The following APOL2 variants were observed in gnomAD, a reference collection of about 807,000 sequenced individuals.
The protein encoded by APOL2 is apolipoprotein L2, also known as apolipoprotein L, 2.
In APOL2, 8 loss-of-function variants were observed where a neutral mutation model predicts 7.1. That is an observed-to-expected ratio of 1.12 (90% CI 0.66 to 2.03). APOL2 has a LOEUF of 2.03. Ranked by LOEUF, APOL2 falls within the 30% of genes most tolerant of loss-of-function variation. The pLI, the probability that APOL2 is intolerant of heterozygous loss-of-function variation, is 0.00. For synonymous variants in APOL2, 177 were observed against 159.9 expected (o/e 1.11, Z -0.81); for missense variants, 471 against 415.1 (o/e 1.13, Z -1.17).
At chr22:36,231,099 T>A (rs9619598) in intron 4 of APOL2, among the ~76,000 whole-genome samples, 20,749 of 152,284 alleles carry the variant, frequency 0.14, 2,273 homozygotes, top group African/African-American at 0.31. Flanking sequence ...AAAGTTCCCA[T>A]CACCAGCAGA....
chr22:36,228,325 T>A, intron 4 of APOL2, 45 bp from the exon 5 acceptor site: 1 of 1,564,594 alleles, frequency 6.4e-7, no homozygotes, highest in Non-Finnish European at 8.6e-7. Flanking sequence ...AGTTTCCCTA[T>A]CTGTGAAATG....
At position 36,228,107 on chromosome 22, in the gene APOL2, T is replaced by C. The variant is rs374077621; in HGVS notation, c.311A>G (p.Glu104Gly). 47 of 1,614,090 alleles carry C rather than the reference T, an allele frequency of 2.9e-5. No homozygotes were observed. Among genetic ancestry groups the C allele is most frequent in the Admixed American group, 5.0e-5 (3 of 60,012 alleles). The change falls in exon 5 of 5, where the codon GAG becomes GGG. Residue 104 changes from glutamate to glycine, a missense_variant. Transcript: ENST00000358502. The part of the protein sequence containing the change: ...DHIRKLRALA[E>G]EVEQVHRGTT... Reference sequence around the variant, plus strand: ...GCCTCTGTGGACCTGCTCAACCTCCTCTGCAAGGGCACGGAGCTTCCTTAT... The same window carrying C: ...GCCTCTGTGGACCTGCTCAACCTCCCCTGCAAGGGCACGGAGCTTCCTTAT...
chr22:36,239,001 TCAG>T, intron 1 of APOL2: 1 of 533,608 alleles, frequency 1.9e-6, no homozygotes, highest in Non-Finnish European at 2.8e-6. Context: ...CCATTGGGCT[TCAG>T]CAGCAGCACC....
At chr22:36,229,033 C>T (rs112966795) in intron 4 of APOL2, among the ~76,000 whole-genome samples, 281 of 152,302 alleles carry the variant, frequency 1.8e-3, no homozygotes, top group African/African-American at 6.2e-3. Flanking sequence ...CTCCACTAGG[C>T]GCCGACCTTG....
intron 1 of APOL2, chr22:36,236,979 C>T (rs136142): frequency 0.38 from 526,569 of 1,371,922 alleles, 105,094 homozygotes; most frequent in Middle Eastern, 0.41. Context: ...GCTGTCTCAA[C>T]GCCATCTCAT....
At chr22:36,231,171 C>T (rs941958248) in intron 4 of APOL2, among the ~76,000 whole-genome samples, 169 bp downstream of exon 4, 9 of 152,238 alleles carry the variant, frequency 5.9e-5, no homozygotes, top group Non-Finnish European at 1.2e-4. Flanking sequence ...TACTCACTGC[C>T]AGCGAAGGAC....
rs948212226 is a variant in APOL2 at position 36,231,271 on chromosome 22, C to A, written c.137+69G>T. 18 of 1,569,596 alleles carry A rather than the reference C, an allele frequency of 1.1e-5. No individual in the cohort carries two copies. The Admixed American group carries it at 1.5e-4, about 14-fold the overall frequency. On this transcript the variant is annotated intron_variant, in intron 4 of 4. Transcript: ENST00000358502. ...CTGGAGGAGGTGTGCCTGTCAGGGA[C>A]AACCAGCCCAGGGGAGATCTGAGTG...
rs1197525106 is a variant in APOL2 at position 36,227,258 on chromosome 22, G to C, written c.*146C>G. 1 of 1,008,752 alleles carries C rather than the reference G, an allele frequency of 9.9e-7. No individual in the cohort carries two copies. The highest frequency in any genetic ancestry group is 1.4e-6 in the Non-Finnish European group (1 of 730,164). 62.5% of individuals were successfully genotyped at this position (1,008,752 alleles called of 1,614,324 possible). On this transcript the variant is annotated 3_prime_UTR_variant, in exon 5 of 5. Transcript: ENST00000358502. ...GTGAACCCGGGAGGCGGAGTTTGCA[G>C]TGAGCCGAGATTGAGCCACTGCACT...
intron 1 of APOL2, chr22:36,236,920 T>C: frequency 7.6e-7 from 1 of 1,308,330 alleles, no homozygotes. Context: ...GGGTCTTCCC[T>C]TCCCCTTCTT....
At chr22:36,232,753 T>C (rs1238480105) in intron 3 of APOL2, among the ~76,000 whole-genome samples, 1 of 152,196 alleles carries the variant, frequency 6.6e-6, no homozygotes, top group African/African-American at 2.4e-5. Flanking sequence ...GAAAAAACCC[T>C]GGGTCAGCAG....
At position 36,226,330 on chromosome 22, in the gene APOL2, G is replaced by A. The variant is rs1025646535; in HGVS notation, c.*1074C>T. The A allele has an allele frequency of 6.6e-6, 1 of 152,370 alleles. No individual in the cohort carries two copies. The highest frequency in any genetic ancestry group is 6.5e-5 in the Admixed American group (1 of 15,298). The allele number at this position is 152,370 out of a possible 1,614,324, so 9.4% of individuals were successfully genotyped here. A position where few individuals can be genotyped will look rare whatever the true frequency, so the allele number is the denominator to read the frequency against. ...CTGCTTTCATGCTAATCTTCTGACTGTTTACTTACCGGCTAAGAGCGATGG... is the reference window on the plus strand; with the variant it reads ...CTGCTTTCATGCTAATCTTCTGACTATTTACTTACCGGCTAAGAGCGATGG... On this transcript the variant is annotated 3_prime_UTR_variant, in exon 5 of 5. Transcript: ENST00000358502.
At position 36,228,270 on chromosome 22, in the gene APOL2, C is replaced by T; in HGVS notation, c.148G>A (p.Asp50Asn). 1 of 1,613,196 alleles carries T rather than the reference C, an allele frequency of 6.2e-7. No homozygotes were observed. The highest frequency in any genetic ancestry group is 8.5e-7 in the Non-Finnish European group (1 of 1,179,540). Residue 50 changes from aspartate (D) to asparagine (N), a missense_variant, in exon 5 of 5, where the codon GAT becomes AAT. Coordinates refer to ENST00000358502, the MANE Select transcript of APOL2 (RefSeq NM_030882.4). ...TTGTTCAGAGCTTTACGGAGCTCAT[C>T]TGCCTCATCCCTGCACAAGGAAAGG... Reference protein sequence around the residue: ...AAAELPRDEADELRKALNKLA... With the variant: ...AAAELPRDEANELRKALNKLA...
chr22:36,238,093 GC>G (rs1333597850), intron 1 of APOL2, among the ~76,000 whole-genome samples: 1 of 152,082 alleles, frequency 6.6e-6, no homozygotes, highest in African/African-American at 2.4e-5. Flanking sequence ...GGCTCTTTGG[GC>G]CTCTGTCTCC....
In APOL2 at chr22:36,231,479, A is replaced by G. The variant is rs759215257; in HGVS notation, c.11-13T>C. Reference sequence around the variant, plus strand: ...AAGATACTGCTCTCTAGTTGGAAAGAAGAAAGGATAAGGTTGGAGGATAGT... The same window carrying G: ...AAGATACTGCTCTCTAGTTGGAAAGGAGAAAGGATAAGGTTGGAGGATAGT... On this transcript the variant is annotated splice_polypyrimidine_tract_variant and intron_variant, in intron 3 of 4. Transcript: ENST00000358502. 1 of 1,572,392 alleles carries G rather than the reference A, an allele frequency of 6.4e-7. No individual in the cohort carries two copies. The highest frequency in any genetic ancestry group is 8.6e-7 in the Non-Finnish European group (1 of 1,169,160).
At chr22:36,234,241 G>T (rs1178831348) in intron 1 of APOL2, 1 of 152,226 alleles carries the variant, frequency 6.6e-6, no homozygotes, top group Non-Finnish European at 1.5e-5. Context: ...TATACCTAGA[G>T]CCACTCTGTA....
intron 1 of APOL2, among the ~76,000 whole-genome samples, chr22:36,235,752 G>GTGT (rs1569532873): frequency 0.11 from 12,265 of 110,990 alleles, 689 homozygotes; most frequent in Non-Finnish European, 0.14. Flanking sequence ...AGGGTGGGTG[G>GTGT]GTGGGTGTGT....
In APOL2 at chr22:36,228,015, G is replaced by C. The variant is rs1238907064; in HGVS notation, c.403C>G (p.Leu135Val). 23 of 1,614,112 alleles carry C rather than the reference G, an allele frequency of 1.4e-5. No homozygotes were observed. The highest frequency in any genetic ancestry group is 1.9e-5 in the Non-Finnish European group (23 of 1,180,046). Residue 135 changes from leucine (L) to valine (V), a missense_variant, in exon 5 of 5, where the codon CTG becomes GTG. Transcript: ENST00000358502. ...TTSGILTLLG[L>V]GLAPFTEGIS... is the part of the protein sequence containing the mutation. ...CCTTCTGTGAAGGGTGCCAGACCCA[G>C]GCCGAGGAGGGTCAGGATGCCAGAG...
chr22:36,239,122 C>T, intron 1 of APOL2: 2 of 1,197,714 alleles, frequency 1.7e-6, no homozygotes, highest in East Asian at 4.0e-5. Flanking sequence ...GAGATGGGCA[C>T]CCCCAACACC....
At chr22:36,236,449 T>C (rs2015405821) in intron 1 of APOL2, 1 of 645,268 alleles carries the variant, frequency 1.5e-6, no homozygotes, top group South Asian at 6.9e-5. Flanking sequence ...TGATACAATA[T>C]TAGGAAAAGG....
Sources: gnomAD v4.1 joint callset for allele counts (sites outside exome capture counted in the v4.1 genomes callset) on GRCh38, gnomAD v4.1.1 for gene constraint, MANE v1.5 for transcripts, NCBI Gene and HGNC (gene_info 2026-07-23, HGNC 2026-07-21) for gene names.